VEGFC: variants seen among roughly 807,000 people sequenced by gnomAD.
The protein encoded by VEGFC is FLT4 ligand DHM.
A neutral mutation model predicts 46.1 loss-of-function variants in VEGFC; 12 were observed. The ratio of observed to expected loss-of-function variants is 0.26; its 90% CI spans 0.17 to 0.42. VEGFC has a LOEUF of 0.42. VEGFC is among the 10% of genes least tolerant of loss of function. The pLI, the probability that VEGFC is intolerant of heterozygous loss-of-function variation, is 1.00. For missense variants in VEGFC, 488 were observed against 529.4 expected (o/e 0.92, Z 0.77); for synonymous variants, 232 against 195.5 (o/e 1.19, Z -1.56).
chr4:176,789,856 T>C (rs904809461), intron 1 of VEGFC, among the ~76,000 whole-genome samples: 1 of 152,218 alleles, frequency 6.6e-6, no homozygotes, highest in African/African-American at 2.4e-5. Context: ...GTTCATAGTT[T>C]GTGTGCTATT....
intron 4 of VEGFC, among the ~76,000 whole-genome samples, chr4:176,703,158 T>TA (rs1734464892): frequency 6.6e-6 from 1 of 152,114 alleles, no homozygotes. Context: ...AAATAGTTGT[T>TA]ACATTTCAAA....
At chr4:176,728,769 G>T (rs563825364) in intron 2 of VEGFC, among the ~76,000 whole-genome samples, 1 of 152,288 alleles carries the variant, frequency 6.6e-6, no homozygotes, top group South Asian at 2.1e-4. Flanking sequence ...AAGCCATTTT[G>T]TTTGCCTCTG....
chr4:176,792,620 CCGCG>C lies in VEGFC; in HGVS notation c.-313_-310del, dbSNP rs902731124. 25 of 261,798 alleles carry C rather than the reference CCGCG, an allele frequency of 9.5e-5. No homozygotes were observed. Among genetic ancestry groups the C allele is most frequent in the African/African-American group, 5.1e-4 (23 of 44,812 alleles). 16.2% of individuals were successfully genotyped at this position (261,798 alleles called of 1,614,324 possible). A position where few individuals can be genotyped will look rare whatever the true frequency, so the allele number is the denominator to read the frequency against. The stretch of plus-strand genomic sequence containing the variant: ...GAAGCGAGGGCGAGGGAGGACGCCG[CCGCG>C]GTCCGCGTCGGTGTAGCTTTTTGGA... On this transcript the variant is annotated 5_prime_UTR_variant, in exon 1 of 7. An upstream open reading frame in the 5' UTR loses its in-frame stop. Transcript: ENST00000618562. This position sits in a 1 kb window ranked among gnomAD's most constrained non-coding sequence, Gnocchi z 6.3.
chr4:176,759,772 C>A (rs1385729695), intron 1 of VEGFC, among the ~76,000 whole-genome samples: 3 of 151,978 alleles, frequency 2.0e-5, no homozygotes, highest in Admixed American at 1.3e-4. Flanking sequence ...TCTTCTATCT[C>A]CAAATACATC....
intron 2 of VEGFC, among the ~76,000 whole-genome samples, chr4:176,728,420 A>G (rs1459098754): frequency 6.6e-6 from 1 of 152,228 alleles, no homozygotes; most frequent in Non-Finnish European, 1.5e-5. Flanking sequence ...ATGAGAAGAC[A>G]GCTATGGTTT....
At chr4:176,736,761 ATAAT>A (rs750232387) in intron 1 of VEGFC, among the ~76,000 whole-genome samples, 23 of 151,740 alleles carry the variant, frequency 1.5e-4, no homozygotes, top group Non-Finnish European at 2.9e-4. Flanking sequence ...TGTTTGTTAA[ATAAT>A]TAATTGTTAA....
intron 1 of VEGFC, among the ~76,000 whole-genome samples, chr4:176,780,399 A>AAAAAAAAAC (rs11275954): frequency 6.7e-6 from 1 of 149,202 alleles, no homozygotes; most frequent in African/African-American, 2.5e-5. Context: ...AAAAAAAAAA[A>AAAAAAAAAC]CTCCTTCTAA....
At chr4:176,785,689 G>A (rs892314158) in intron 1 of VEGFC, among the ~76,000 whole-genome samples, 1 of 151,794 alleles carries the variant, frequency 6.6e-6, no homozygotes, top group Non-Finnish European at 1.5e-5. Flanking sequence ...CAAATATAGA[G>A]ATTCTAATCT....
chr4:176,707,736 G>A (rs77360412), intron 4 of VEGFC, among the ~76,000 whole-genome samples: 9,245 of 151,952 alleles, frequency 0.061, 945 homozygotes, highest in African/African-American at 0.21. Context: ...CATTGGCAAC[G>A]GAACACACCC....
At chr4:176,747,763 T>C (rs375833082) in intron 1 of VEGFC, among the ~76,000 whole-genome samples, 8 of 151,954 alleles carry the variant, frequency 5.3e-5, no homozygotes, top group Non-Finnish European at 1.0e-4. Flanking sequence ...CTGCACTCTA[T>C]CCTGGGCAAC....
intron 1 of VEGFC, among the ~76,000 whole-genome samples, chr4:176,739,708 A>T (rs930014407): frequency 4.6e-5 from 7 of 151,778 alleles, no homozygotes; most frequent in African/African-American, 1.7e-4. Context: ...ACATTTACCT[A>T]CGTAACAAAC....
At chr4:176,695,180 G>C (rs1180577197) in intron 4 of VEGFC, among the ~76,000 whole-genome samples, 23 of 151,704 alleles carry the variant, frequency 1.5e-4, no homozygotes, top group African/African-American at 5.3e-4. Context: ...AAAAATTAAT[G>C]AATCCAGGAG....
intron 4 of VEGFC, among the ~76,000 whole-genome samples, chr4:176,698,049 G>T (rs1342507818): frequency 6.6e-6 from 1 of 151,850 alleles, no homozygotes; most frequent in Non-Finnish European, 1.5e-5. Context: ...ACAAGTTAGT[G>T]GGTGCAGCAC....
At chr4:176,753,662 T>G (rs1735376922) in intron 1 of VEGFC, among the ~76,000 whole-genome samples, 1 of 152,098 alleles carries the variant, frequency 6.6e-6, no homozygotes, top group Admixed American at 6.6e-5. Flanking sequence ...ATACATGAAT[T>G]GTTTTAAAAT....
intron 3 of VEGFC, among the ~76,000 whole-genome samples, chr4:176,718,086 C>G (rs1734725292): frequency 6.6e-6 from 1 of 152,018 alleles, no homozygotes; most frequent in Non-Finnish European, 1.5e-5. Flanking sequence ...CTCATTGTAC[C>G]TTGGGTTGGA....
chr4:176,753,814 C>T (rs545048825), intron 1 of VEGFC, among the ~76,000 whole-genome samples: 10 of 152,044 alleles, frequency 6.6e-5, no homozygotes, highest in Admixed American at 1.3e-4. Context: ...CAGTTTGATA[C>T]AGAAATACTC....
chr4:176,768,473 G>A (rs1164772652), intron 1 of VEGFC, among the ~76,000 whole-genome samples: 1 of 56,948 alleles, frequency 1.8e-5, no homozygotes, highest in Non-Finnish European at 4.7e-5. Flanking sequence ...ATGCTGCCAA[G>A]TAAGAGGATG....
chr4:176,688,986 T>A (rs1313086696), intron 4 of VEGFC, among the ~76,000 whole-genome samples: 1 of 152,222 alleles, frequency 6.6e-6, no homozygotes, highest in African/African-American at 2.4e-5. Flanking sequence ...ATGCATTATA[T>A]CCTGTAGAAT....
At chr4:176,703,389 C>G (rs1422425588) in intron 4 of VEGFC, among the ~76,000 whole-genome samples, 2 of 151,954 alleles carry the variant, frequency 1.3e-5, no homozygotes. Flanking sequence ...AGACACATAT[C>G]TCATGTTCTC....
Sources: gnomAD v4.1 joint callset for allele counts (sites outside exome capture counted in the v4.1 genomes callset) on GRCh38, gnomAD v4.1.1 for gene constraint, Gnocchi (gnomAD v3.1) non-coding constraint, MANE v1.5 for transcripts, NCBI Gene and HGNC (gene_info 2026-07-23, HGNC 2026-07-21) for gene names.